The following CLDN10 variants were observed in gnomAD, a reference collection of about 807,000 sequenced individuals.
The protein encoded by CLDN10 is claudin 10.
Under a neutral mutation model 22.9 loss-of-function variants are expected in CLDN10, and 15 were observed. The observed-to-expected ratio is 0.65, with a 90% CI of 0.44 to 1.01. The LOEUF (loss-of-function observed/expected upper bound fraction) is 1.01. Ranked by LOEUF, CLDN10 falls within the 50% of genes least tolerant of loss-of-function variation. CLDN10 has a pLI of 0.00. For synonymous variants in CLDN10, 114 were observed against 111.4 expected (o/e 1.02, Z -0.15); for missense variants, 247 against 287.8 (o/e 0.86, Z 1.03).
intron 1 of CLDN10, among the ~76,000 whole-genome samples, chr13:95,522,561 C>A (rs899806957): frequency 9.9e-5 from 15 of 151,966 alleles, no homozygotes; most frequent in African/African-American, 3.1e-4. Context: ...AAATGTGATT[C>A]TTGGGTGATG....
chr13:95,549,642 G>A (rs901175456), upstream of CLDN10, among the ~76,000 whole-genome samples: 2 of 152,060 alleles, frequency 1.3e-5, no homozygotes, highest in South Asian at 4.1e-4. Flanking sequence ...TCATTCTTTG[G>A]TCAGGAACTC....
intron 1 of CLDN10, among the ~76,000 whole-genome samples, chr13:95,443,496 T>G (rs2042343837): frequency 6.6e-6 from 1 of 151,828 alleles, no homozygotes; most frequent in South Asian, 2.1e-4. Context: ...GCGGGAGACA[T>G]GGCATGGCAC....
At chr13:95,567,381 C>T (rs2138671682) in intron 3 of CLDN10, among the ~76,000 whole-genome samples, 1 of 152,246 alleles carries the variant, frequency 6.6e-6, no homozygotes, top group African/African-American at 2.4e-5. Context: ...CTCTTTGAAG[C>T]AATTGTGAAT....
chr13:95,457,933 A>G (rs1217712332), intron 1 of CLDN10, among the ~76,000 whole-genome samples: 1 of 152,224 alleles, frequency 6.6e-6, no homozygotes, highest in Non-Finnish European at 1.5e-5. Context: ...GGTCAACAAC[A>G]ATAATGAACA....
intron 1 of CLDN10, among the ~76,000 whole-genome samples, chr13:95,534,354 T>A (rs1004664094): frequency 6.6e-6 from 1 of 152,156 alleles, no homozygotes; most frequent in Admixed American, 6.6e-5. Context: ...AAGAAAAGAT[T>A]TGTTAAAATC....
At chr13:95,562,688 C>G (rs896195376) in intron 3 of CLDN10, among the ~76,000 whole-genome samples, 13 of 152,120 alleles carry the variant, frequency 8.5e-5, no homozygotes, top group African/African-American at 3.1e-4. Context: ...CATAAATATG[C>G]AGCAAACCTG....
At chr13:95,492,018 C>T (rs946935612) in intron 1 of CLDN10, among the ~76,000 whole-genome samples, 6 of 152,120 alleles carry the variant, frequency 3.9e-5, no homozygotes, top group Admixed American at 6.5e-5. Context: ...TGATGTGAAC[C>T]GTCTGTGGGT....
chr13:95,576,474 G>A (rs1466794359), intron 3 of CLDN10, among the ~76,000 whole-genome samples: 5 of 152,178 alleles, frequency 3.3e-5, no homozygotes, highest in Non-Finnish European at 5.9e-5. Context: ...AACACACATA[G>A]TCCCTGAAAT....
At chr13:95,456,420 CCT>C (rs2042482471) in intron 1 of CLDN10, among the ~76,000 whole-genome samples, 1 of 152,064 alleles carries the variant, frequency 6.6e-6, no homozygotes, top group Non-Finnish European at 1.5e-5. Context: ...AGGTGAAACC[CCT>C]GTCCAAGAAT....
intron 1 of CLDN10, among the ~76,000 whole-genome samples, chr13:95,502,752 C>T (rs2138542177): frequency 6.6e-6 from 1 of 152,262 alleles, no homozygotes; most frequent in South Asian, 2.1e-4. Flanking sequence ...AACACCTGAC[C>T]TCAAGTGATC....
intron 1 of CLDN10, among the ~76,000 whole-genome samples, chr13:95,438,925 G>A (rs1204905641): frequency 1.5e-5 from 2 of 135,578 alleles, no homozygotes; most frequent in African/African-American, 2.8e-5. Context: ...GTTGCAGTGA[G>A]CCAAGATCGA....
chr13:95,575,279 TCA>T (rs1433862508), intron 3 of CLDN10, among the ~76,000 whole-genome samples: 2 of 152,232 alleles, frequency 1.3e-5, no homozygotes, highest in African/African-American at 4.8e-5. Context: ...GCAGAATTTT[TCA>T]GTTATGCTCA....
At chr13:95,464,150 C>A (rs541604675) in intron 1 of CLDN10, among the ~76,000 whole-genome samples, 87 of 151,648 alleles carry the variant, frequency 5.7e-4, no homozygotes, top group African/African-American at 2.0e-3. Flanking sequence ...ATGTGCACAA[C>A]GTGCAGGTTT....
intron 1 of CLDN10, among the ~76,000 whole-genome samples, chr13:95,493,558 C>CTT (rs372832325): frequency 0.028 from 3,684 of 132,200 alleles, 109 homozygotes; most frequent in African/African-American, 0.053. Flanking sequence ...CCTACCCCCA[C>CTT]TTTTTTTTTT....
At chr13:95,565,992 A>C (rs935130597) in intron 3 of CLDN10, among the ~76,000 whole-genome samples, 6 of 152,150 alleles carry the variant, frequency 3.9e-5, no homozygotes, top group Non-Finnish European at 5.9e-5. Context: ...TCCATGGTGT[A>C]TATGTGCCAC....
intron 3 of CLDN10, among the ~76,000 whole-genome samples, chr13:95,563,095 A>ACTCTCTCTCTCTCTCTCTCTCT (rs34473629): frequency 7.0e-4 from 90 of 128,124 alleles, no homozygotes; most frequent in Admixed American, 1.3e-3. Context: ...CTGCCTACCC[A>ACTCTCTCTCTCTCTCTCTCTCT]CTCTCTCTCT....
chr13:95,516,502 A>G (rs906136936), intron 1 of CLDN10, among the ~76,000 whole-genome samples: 1 of 150,022 alleles, frequency 6.7e-6, no homozygotes, highest in Non-Finnish European at 1.5e-5. Flanking sequence ...GAATGCTTTC[A>G]AGCTTTTTCT....
chr13:95,575,942 C>T (rs2043918611), intron 3 of CLDN10, among the ~76,000 whole-genome samples: 1 of 152,182 alleles, frequency 6.6e-6, no homozygotes, highest in Non-Finnish European at 1.5e-5. Context: ...GATGCCAGTG[C>T]CAGGTACCAT....
In CLDN10 at chr13:95,552,896, A is replaced by C. The variant is rs1177632600; in HGVS notation, c.143A>C (p.Asn48Thr). The C allele has an allele frequency of 6.2e-7, 1 of 1,614,110 alleles. No individual in the cohort carries two copies. Among genetic ancestry groups the C allele is most frequent in the Admixed American group, 1.7e-5 (1 of 60,026 alleles). ...TVITTATYWA[N>T]LWKACVTDST... The stretch of plus-strand genomic sequence containing the variant: ...ATCACAACCGCCACCTATTGGGCCA[A>C]CCTGTGGAAGGCGTGCGTTACCGAC... The change falls in exon 1 of 5, where the codon AAC (asparagine) becomes ACC (threonine). Residue 48 changes from asparagine to threonine, a missense_variant. Asn to Thr is a moderately conservative substitution (Grantham distance 65). Coordinates refer to ENST00000299339, the MANE Select transcript of CLDN10 (RefSeq NM_006984.5).
Sources: allele counts gnomAD v4.1 joint callset (sites outside exome capture counted in the v4.1 genomes callset), GRCh38; gene constraint gnomAD v4.1.1; transcripts MANE v1.5; gene names NCBI Gene and HGNC (gene_info 2026-07-23, HGNC 2026-07-21).